The following KIF16B variants were observed in gnomAD, a reference collection of about 807,000 sequenced individuals.
KIF16B encodes the protein kinesin family member 16B.
A neutral mutation model predicts 156.3 loss-of-function variants in KIF16B; 98 were observed. That is an observed-to-expected ratio of 0.63 (90% CI 0.53 to 0.74). KIF16B has a LOEUF of 0.74. KIF16B is among the 30% of genes least tolerant of loss of function. The probability of loss-of-function intolerance (pLI) is 0.00; values close to 1 mark genes in which losing one functional copy is unlikely to be tolerated. For missense variants in KIF16B, 1,421 were observed against 1,606.5 expected (o/e 0.88, Z 1.97); for synonymous variants, 564 against 583.7 (o/e 0.97, Z 0.49).
Position 16,479,832 on chromosome 20 carries a change from C to T in KIF16B, c.1302+14459G>A, listed in dbSNP as rs2067928623. On this transcript the variant is annotated intron_variant, in intron 12 of 25. Transcript: ENST00000354981. ...TGTGTAAGTCACTCTATGATGTTTG[C>T]ACAATGAGAAAGTTGCCTAATGACA... 5.3e-5 allele frequency among the ~76,000 whole-genome samples: 8 copies of T among 152,134 alleles called. No homozygotes were observed. In the South Asian group the frequency reaches 1.5e-3, roughly 28 times the overall value.
chr20:16,544,607 CAA>C (rs11472848), intron 1 of KIF16B, among the ~76,000 whole-genome samples: 11 of 64,630 alleles, frequency 1.7e-4, no homozygotes, highest in African/African-American at 3.1e-4. Flanking sequence ...AAAGCCATCT[CAA>C]AAAAAAAAAA....
At chr20:16,548,285 A>G (rs929803998) in intron 1 of KIF16B, among the ~76,000 whole-genome samples, 7 of 152,124 alleles carry the variant, frequency 4.6e-5, no homozygotes, top group African/African-American at 1.4e-4. Flanking sequence ...ATGGATTCAG[A>G]GTGCACATAG....
chr20:16,330,328 G>A (rs1297376667), intron 24 of KIF16B, among the ~76,000 whole-genome samples: 1 of 152,176 alleles, frequency 6.6e-6, no homozygotes, highest in Admixed American at 6.5e-5. Context: ...CCAAATGAAT[G>A]TGAGTGAACA....
intron 12 of KIF16B, among the ~76,000 whole-genome samples, chr20:16,443,974 C>G (rs890920130): frequency 1.3e-5 from 2 of 152,168 alleles, no homozygotes; most frequent in Non-Finnish European, 2.9e-5. Context: ...TACAATGTAA[C>G]GTACACATGC....
chr20:16,418,659 C>G (rs146346803), intron 15 of KIF16B, among the ~76,000 whole-genome samples: 2 of 152,258 alleles, frequency 1.3e-5, no homozygotes, highest in East Asian at 3.9e-4. Flanking sequence ...TGCTTCAACT[C>G]TTGACATCAG....
chr20:16,346,461 C>A (rs939379930), intron 23 of KIF16B, among the ~76,000 whole-genome samples: 10 of 152,152 alleles, frequency 6.6e-5, no homozygotes, highest in Non-Finnish European at 2.9e-5. Flanking sequence ...GGCTTGTGAA[C>A]CTGGTCCAAA....
intron 24 of KIF16B, among the ~76,000 whole-genome samples, chr20:16,313,954 C>T (rs56237355): frequency 0.15 from 22,170 of 152,150 alleles, 1,713 homozygotes; most frequent in Admixed American, 0.16. Flanking sequence ...CATACTCTTA[C>T]GTGTTGCAAA....
chr20:16,313,954 C>G (rs56237355), intron 24 of KIF16B, among the ~76,000 whole-genome samples: 10 of 152,056 alleles, frequency 6.6e-5, no homozygotes, highest in African/African-American at 1.9e-4. Flanking sequence ...CATACTCTTA[C>G]GTGTTGCAAA....
At chr20:16,450,353 A>C (rs995564768) in intron 12 of KIF16B, among the ~76,000 whole-genome samples, 5 of 152,236 alleles carry the variant, frequency 3.3e-5, no homozygotes, top group Non-Finnish European at 7.4e-5. Context: ...TAACATCTTC[A>C]CTCAGAGCTC....
Position 16,405,481 on chromosome 20 carries a change from G to T in KIF16B, c.1696-580C>A, listed in dbSNP as rs368781373. On this transcript the variant is annotated intron_variant, in intron 16 of 25. Coordinates refer to ENST00000354981, the MANE Select transcript of KIF16B (RefSeq NM_024704.5). Reference sequence around the variant, plus strand: ...GGAAAAAGCCACCCAGGAGAAGGCTGAGGTTTGCAGCTTTCTTGCTATTTT... The same window carrying T: ...GGAAAAAGCCACCCAGGAGAAGGCTTAGGTTTGCAGCTTTCTTGCTATTTT... Among the ~76,000 whole-genome samples the T allele has an allele frequency of 2.0e-5, 3 of 152,300 alleles. No individual in the cohort carries two copies. In the East Asian group the frequency reaches 5.8e-4, roughly 29 times the overall value.
chr20:16,337,507 T>C (rs886808467), intron 23 of KIF16B, among the ~76,000 whole-genome samples: 2 of 151,906 alleles, frequency 1.3e-5, no homozygotes, highest in African/African-American at 4.8e-5. Context: ...GCAGGTTTCT[T>C]ATGAGTTTCC....
rs774033047 is a variant in KIF16B at position 16,573,193 on chromosome 20, G to A, written c.47+36C>T. ...AAACAGGCTTCCTCTGGGTGGGGGC[G>A]CGACGAGGGGGCGGGGCGCGGGCGG... is the stretch of plus-strand genomic sequence containing the variant. On this transcript the variant is annotated intron_variant, in intron 1 of 25. Transcript: ENST00000354981. 4.5e-6 allele frequency: 7 copies of A among 1,543,086 alleles called. No homozygotes were observed. The South Asian group carries it at 8.3e-5, about 18-fold the overall frequency.
chr20:16,491,816 A>C (rs1600532361), intron 12 of KIF16B, among the ~76,000 whole-genome samples: 2 of 152,208 alleles, frequency 1.3e-5, no homozygotes, highest in Admixed American at 1.3e-4. Flanking sequence ...CTCCACCTTC[A>C]TTCAACAGGA....
At chr20:16,371,405 G>A (rs558952514) in intron 21 of KIF16B, among the ~76,000 whole-genome samples, 3 of 152,062 alleles carry the variant, frequency 2.0e-5, no homozygotes, top group Non-Finnish European at 4.4e-5. Flanking sequence ...TGGCTAACAT[G>A]GTGGTAGAAA....
intron 25 of KIF16B, among the ~76,000 whole-genome samples, chr20:16,306,704 C>G (rs1395098227): frequency 2.6e-5 from 4 of 152,138 alleles, no homozygotes; most frequent in Non-Finnish European, 5.9e-5. Flanking sequence ...GCTCTTAAAA[C>G]AGCTCTGAAA....
At chr20:16,405,110 C>T (rs981527764) in intron 16 of KIF16B, among the ~76,000 whole-genome samples, 2 of 152,188 alleles carry the variant, frequency 1.3e-5, no homozygotes, top group African/African-American at 4.8e-5. Flanking sequence ...CTAAGTACAG[C>T]AGGACCTTGG....
intron 25 of KIF16B, among the ~76,000 whole-genome samples, chr20:16,296,769 G>A (rs2063393170): frequency 1.3e-5 from 2 of 152,236 alleles, no homozygotes; most frequent in Non-Finnish European, 2.9e-5. Flanking sequence ...TCAATTTTAT[G>A]TGTTAGATTG....
At chr20:16,486,188 G>A (rs1437606682) in intron 12 of KIF16B, among the ~76,000 whole-genome samples, 3 of 152,114 alleles carry the variant, frequency 2.0e-5, no homozygotes, top group African/African-American at 4.8e-5. Context: ...CTCCATGAGA[G>A]CAGGGATTCT....
intron 25 of KIF16B, among the ~76,000 whole-genome samples, chr20:16,288,549 T>G (rs1435536766): frequency 6.7e-6 from 1 of 149,376 alleles, no homozygotes. Flanking sequence ...CTGTATGGTA[T>G]GTACCTTAGT....
Sources: allele counts gnomAD v4.1 joint callset (sites outside exome capture counted in the v4.1 genomes callset), GRCh38; gene constraint gnomAD v4.1.1; transcripts MANE v1.5; gene names NCBI Gene and HGNC (gene_info 2026-07-23, HGNC 2026-07-21).